DPP10: variants seen among roughly 807,000 people sequenced by gnomAD.
The protein encoded by DPP10 is dipeptidyl peptidase like 10.
DPP10 carries 33 observed loss-of-function variants against 120.9 expected under a neutral mutation model. The ratio of observed to expected loss-of-function variants is 0.27; its 90% CI spans 0.21 to 0.37. DPP10 has a LOEUF of 0.37. Ranked by LOEUF, DPP10 falls within the 10% of genes least tolerant of loss-of-function variation. DPP10 has a pLI of 1.00. For synonymous variants in DPP10, 337 were observed against 326.1 expected (o/e 1.03, Z -0.36); for missense variants, 816 against 942.8 (o/e 0.87, Z 1.76).
intron 1 of DPP10, among the ~76,000 whole-genome samples, chr2:115,225,527 G>A (rs1288306491): frequency 6.6e-6 from 1 of 151,714 alleles, no homozygotes; most frequent in African/African-American, 2.4e-5. Flanking sequence ...GTGTGTGTGT[G>A]TGTATGCATG....
chr2:114,979,473 G>C (rs1699953895), intron 1 of DPP10, among the ~76,000 whole-genome samples: 1 of 151,876 alleles, frequency 6.6e-6, no homozygotes, highest in Non-Finnish European at 1.5e-5. Context: ...CTCTATTCTT[G>C]CTATAGATTT....
chr2:115,705,370 TAAGC>T (rs2092060853), intron 7 of DPP10, among the ~76,000 whole-genome samples: 1 of 151,956 alleles, frequency 6.6e-6, no homozygotes, highest in African/African-American at 2.4e-5. Context: ...AAATGTATGA[TAAGC>T]ATACACAAAT....
intron 3 of DPP10, among the ~76,000 whole-genome samples, chr2:115,412,116 A>G (rs2068997397): frequency 6.6e-6 from 1 of 151,454 alleles, no homozygotes; most frequent in Admixed American, 6.6e-5. Context: ...CTCCAAAATA[A>G]AAAAACTTAC....
chr2:115,807,779 C>T (rs1686172180), intron 19 of DPP10, among the ~76,000 whole-genome samples: 1 of 134,302 alleles, frequency 7.4e-6, no homozygotes, highest in Non-Finnish European at 1.6e-5. Flanking sequence ...AATACCCAAA[C>T]TTGGAGATCA....
chr2:115,109,053 A>T (rs963025658), intron 1 of DPP10, among the ~76,000 whole-genome samples: 1 of 152,178 alleles, frequency 6.6e-6, no homozygotes, highest in Non-Finnish European at 1.5e-5. Flanking sequence ...CTGATCATTT[A>T]TAAAGTAAAT....
At chr2:115,160,875 AGTTT>A (rs1413317272) in intron 1 of DPP10, among the ~76,000 whole-genome samples, 9 of 151,988 alleles carry the variant, frequency 5.9e-5, no homozygotes, top group Admixed American at 5.9e-4. Context: ...CGTGTTGTTT[AGTTT>A]CTCTCCCCTG....
chr2:115,747,176 C>A (rs1238550925), intron 10 of DPP10, among the ~76,000 whole-genome samples: 1 of 152,036 alleles, frequency 6.6e-6, no homozygotes, highest in Non-Finnish European at 1.5e-5. Flanking sequence ...AAAGATAAAT[C>A]CCAGTGAGAG....
intron 5 of DPP10, among the ~76,000 whole-genome samples, chr2:115,539,517 G>A (rs915916697): frequency 1.3e-5 from 2 of 151,900 alleles, no homozygotes; most frequent in African/African-American, 2.4e-5. Context: ...CCATGGGTGA[G>A]TTATGTTGAA....
intron 1 of DPP10, among the ~76,000 whole-genome samples, chr2:115,009,684 G>A (rs1368570771): frequency 6.6e-6 from 1 of 151,888 alleles, no homozygotes; most frequent in African/African-American, 2.4e-5. Flanking sequence ...TAGATGACGG[G>A]TTGATGGGTG....
chr2:115,373,610 C>T (rs934016898), intron 3 of DPP10, among the ~76,000 whole-genome samples: 1 of 151,922 alleles, frequency 6.6e-6, no homozygotes, highest in Admixed American at 6.6e-5. Flanking sequence ...AGAATGTTTT[C>T]AAAAGAGCAT....
At chr2:114,480,896 A>T (rs1468239595) in intron 1 of DPP10, among the ~76,000 whole-genome samples, 1 of 151,986 alleles carries the variant, frequency 6.6e-6, no homozygotes, top group African/African-American at 2.4e-5. Context: ...AAACAAAAAA[A>T]ACAAAAAGTT....
chr2:114,932,231 GA>G (rs1482438539), intron 1 of DPP10, among the ~76,000 whole-genome samples: 1 of 152,190 alleles, frequency 6.6e-6, no homozygotes, highest in Non-Finnish European at 1.5e-5. Context: ...ACTAAAGTTT[GA>G]AAACTACTGC....
At chr2:115,341,580 C>G (rs1296882544) in intron 2 of DPP10, among the ~76,000 whole-genome samples, 1 of 152,160 alleles carries the variant, frequency 6.6e-6, no homozygotes, top group Non-Finnish European at 1.5e-5. Context: ...CTTCACCACC[C>G]TACAAATTCT....
intron 1 of DPP10, among the ~76,000 whole-genome samples, chr2:114,933,711 A>T (rs1696248738): frequency 6.6e-6 from 1 of 152,196 alleles, no homozygotes; most frequent in Admixed American, 6.5e-5. Context: ...GAATAGCCAA[A>T]CATTTGGAAG....
intron 1 of DPP10, among the ~76,000 whole-genome samples, chr2:114,728,376 A>G (rs895717912): frequency 4.6e-5 from 7 of 152,246 alleles, no homozygotes; most frequent in Admixed American, 3.9e-4. Context: ...GGGCCCTACT[A>G]TGCCCTTTTC....
chr2:114,999,874 C>T (rs1701326634), intron 1 of DPP10, among the ~76,000 whole-genome samples: 2 of 152,042 alleles, frequency 1.3e-5, no homozygotes, highest in Non-Finnish European at 2.9e-5. Context: ...TTTATTAGTG[C>T]CAGAAAAAAA....
chr2:115,443,801 C>T (rs1417925780), intron 3 of DPP10, among the ~76,000 whole-genome samples: 1 of 152,092 alleles, frequency 6.6e-6, no homozygotes, highest in Non-Finnish European at 1.5e-5. Context: ...TTGAGAATAG[C>T]TGTTCTAGGT....
chr2:114,980,402 ACTAT>A (rs1322691381), intron 1 of DPP10, among the ~76,000 whole-genome samples: 1 of 152,106 alleles, frequency 6.6e-6, no homozygotes, highest in Non-Finnish European at 1.5e-5. Flanking sequence ...GTTCTCTAAC[ACTAT>A]CTATAAATGC....
intron 1 of DPP10, among the ~76,000 whole-genome samples, chr2:115,168,176 A>G (rs568415145): frequency 1.6e-4 from 25 of 152,170 alleles, no homozygotes; most frequent in African/African-American, 6.0e-4. Flanking sequence ...AATTTTTTCT[A>G]CACCTTTTTC....
Sources: allele counts gnomAD v4.1 joint callset (sites outside exome capture counted in the v4.1 genomes callset), GRCh38; gene constraint gnomAD v4.1.1; transcripts MANE v1.5; gene names NCBI Gene and HGNC (gene_info 2026-07-23, HGNC 2026-07-21).